The following DNAH5 variants were observed in gnomAD, a reference collection of about 807,000 sequenced individuals.
The protein encoded by DNAH5 is dynein axonemal heavy chain 5.
A neutral mutation model predicts 518.2 loss-of-function variants in DNAH5; 372 were observed. The observed-to-expected ratio is 0.72, with a 90% CI of 0.66 to 0.78. DNAH5 has a LOEUF of 0.78. DNAH5 is among the 30% of genes least tolerant of loss of function. DNAH5 has a pLI of 0.00. For missense variants in DNAH5, 5,523 were observed against 5,687.0 expected (o/e 0.97, Z 0.93); for synonymous variants, 2,039 against 2,025.9 (o/e 1.01, Z -0.17).
chr5:13,921,113 A>AATCT (rs1401230803), intron 5 of DNAH5, among the ~76,000 whole-genome samples: 1 of 152,138 alleles, frequency 6.6e-6, no homozygotes, highest in African/African-American at 2.4e-5. Context: ...CAACATGTAG[A>AATCT]ATGCCAACAA....
At chr5:13,756,688 G>GC (rs1161698471) in intron 61 of DNAH5, among the ~76,000 whole-genome samples, 2 of 152,098 alleles carry the variant, frequency 1.3e-5, no homozygotes, top group Non-Finnish European at 2.9e-5. Context: ...CCAGATAAGT[G>GC]TTACTTCTTT....
At chr5:13,898,673 G>A (rs1438203176) in intron 15 of DNAH5, 1 of 398,386 alleles carries the variant, frequency 2.5e-6, no homozygotes, top group African/African-American at 2.1e-5. Flanking sequence ...CTTACCTAAC[G>A]TAGTGGTAGA....
At chr5:13,911,621 T>C (rs1215817067) in intron 11 of DNAH5, 128 bp from the exon 12 acceptor site, 28 of 759,714 alleles carry the variant, frequency 3.7e-5, no homozygotes, top group African/African-American at 7.1e-5. Context: ...GAAGCCTTAT[T>C]TTTTTACTCA....
chr5:13,770,075 T>C (rs1158359901), intron 56 of DNAH5, among the ~76,000 whole-genome samples: 2 of 152,178 alleles, frequency 1.3e-5, no homozygotes, highest in Non-Finnish European at 2.9e-5. Context: ...AGGAACTAGC[T>C]GCCTGCCTGA....
Position 13,901,344 on chromosome 5 carries a change from C to G in DNAH5, c.1960G>C (p.Ala654Pro). Reference sequence around the variant, plus strand: ...CTGCGAATTATAGGTTTGGCTTCTGCCGTGCTTAGCACAGCTGGGTGCTGC... The same window carrying G: ...CTGCGAATTATAGGTTTGGCTTCTGGCGTGCTTAGCACAGCTGGGTGCTGC... Reference protein sequence around the residue: ...FQQHPAVLSTAEAKPIIRSYN... With the variant: ...FQQHPAVLSTPEAKPIIRSYN... Residue 654 changes from alanine to proline, a missense_variant, in exon 14 of 79, where the codon GCA (alanine) becomes CCA (proline). Ala to Pro is a conservative substitution (Grantham distance 27). Coordinates refer to ENST00000265104, the MANE Select transcript of DNAH5 (RefSeq NM_001369.3). The G allele has an allele frequency of 6.2e-7, 1 of 1,614,132 alleles. No individual in the cohort carries two copies. Among genetic ancestry groups the G allele is most frequent in the Non-Finnish European group, 8.5e-7 (1 of 1,180,018 alleles).
At chr5:13,773,536 TAC>T (rs1398884415) in intron 55 of DNAH5, among the ~76,000 whole-genome samples, 6 of 152,224 alleles carry the variant, frequency 3.9e-5, no homozygotes, top group Non-Finnish European at 8.8e-5. Context: ...GATGAATTTC[TAC>T]ACAGTCTGAT....
intron 50 of DNAH5, among the ~76,000 whole-genome samples, chr5:13,789,353 G>A (rs1278516646): frequency 1.3e-5 from 2 of 152,016 alleles, no homozygotes; most frequent in Non-Finnish European, 2.9e-5. Flanking sequence ...TAAAATTTGT[G>A]GCAAAAACTG....
At chr5:13,752,377 A>G (rs1750364149) in intron 63 of DNAH5, 88 bp from the exon 64 acceptor site, 1 of 1,428,174 alleles carries the variant, frequency 7.0e-7, no homozygotes, top group Non-Finnish European at 9.8e-7. Flanking sequence ...AGCCTAAAGC[A>G]TTCTACTGCA....
upstream of DNAH5, among the ~76,000 whole-genome samples, chr5:13,947,950 C>T (rs1265470112): frequency 2.0e-5 from 3 of 152,176 alleles, no homozygotes. Flanking sequence ...ATCTTATATT[C>T]AATGCCCTCT....
At chr5:13,735,726 T>C in intron 67 of DNAH5, 92 bp downstream of exon 67, 1 of 1,004,660 alleles carries the variant, frequency 1.0e-6, no homozygotes, top group Non-Finnish European at 1.6e-6. Context: ...AAAAGACTCT[T>C]ACTAACAAAG....
At chr5:13,930,889 C>T (rs966270855) in intron 2 of DNAH5, among the ~76,000 whole-genome samples, 2 of 152,326 alleles carry the variant, frequency 1.3e-5, no homozygotes, top group African/African-American at 2.4e-5. Context: ...ATCAGAATCA[C>T]GGAACTCAAA....
chr5:13,821,217 CCT>C (rs1381828677), intron 40 of DNAH5, among the ~76,000 whole-genome samples: 1 of 152,028 alleles, frequency 6.6e-6, no homozygotes, highest in Non-Finnish European at 1.5e-5. Flanking sequence ...ATTGAATGAA[CCT>C]CTGAGGAGCA....
intron 61 of DNAH5, among the ~76,000 whole-genome samples, chr5:13,757,642 T>C (rs1413971946): frequency 3.3e-5 from 5 of 152,054 alleles, no homozygotes; most frequent in Admixed American, 3.3e-4. Context: ...TATTGCAAAA[T>C]ATGGATCTGA....
intron 75 of DNAH5, among the ~76,000 whole-genome samples, chr5:13,713,432 GACAT>G (rs1743843221): frequency 3.6e-5 from 1 of 28,092 alleles, no homozygotes; most frequent in South Asian, 1.2e-3. Flanking sequence ...TATATACATC[GACAT>G]ATATATATAT....
At chr5:13,901,070 C>A (rs745813215) in intron 14 of DNAH5, among the ~76,000 whole-genome samples, 182 bp downstream of exon 14, 1 of 152,186 alleles carries the variant, frequency 6.6e-6, no homozygotes, top group Non-Finnish European at 1.5e-5. Flanking sequence ...CTTGTGGTTT[C>A]TTTTCAAATC....
intron 47 of DNAH5, among the ~76,000 whole-genome samples, chr5:13,794,946 G>A (rs541299222): frequency 2.6e-5 from 4 of 152,242 alleles, no homozygotes; most frequent in South Asian, 4.1e-4. Context: ...CAGCCTGGGC[G>A]ACAGAGCGAG....
chr5:13,914,592 T>G lies in DNAH5; in HGVS notation c.1248A>C (p.Gly416=), dbSNP rs1335470695. Residue 416 remains glycine, a synonymous_variant, in exon 10 of 79, where the codon GGA becomes GGC. Transcript: ENST00000265104. Reference sequence around the variant, plus strand: ...GTGGCTGGTTCCAGATGGAAGCGGTTCCATTATTGGTAATATAGGCTTTAC... The same window carrying G: ...GTGGCTGGTTCCAGATGGAAGCGGTGCCATTATTGGTAATATAGGCTTTAC... ...SACKAYITNN[G]TASIWNQPQD... is the part of the protein sequence containing the mutation. The G allele has an allele frequency of 6.2e-7, 1 of 1,613,356 alleles. No homozygotes were observed. The highest frequency in any genetic ancestry group is 1.7e-5 in the Admixed American group (1 of 60,000).
At chr5:13,867,678 T>G in intron 25 of DNAH5, 96 bp downstream of exon 25, 1 of 1,000,008 alleles carries the variant, frequency 1.0e-6, no homozygotes. Flanking sequence ...CCTAGGAAGT[T>G]TCACAGAAAT....
intron 1 of DNAH5, among the ~76,000 whole-genome samples, chr5:13,968,850 CCT>C (rs1380391238): frequency 1.3e-5 from 2 of 151,974 alleles, no homozygotes; most frequent in Non-Finnish European, 2.9e-5. Context: ...GGGAGGATTC[CCT>C]CTTTCTCCAT....
Sources: allele counts gnomAD v4.1 joint callset (sites outside exome capture counted in the v4.1 genomes callset), GRCh38; gene constraint gnomAD v4.1.1; transcripts MANE v1.5; gene names NCBI Gene and HGNC (gene_info 2026-07-23, HGNC 2026-07-21).